STXBP5L: variants seen among roughly 807,000 people sequenced by gnomAD.
The protein encoded by STXBP5L is syntaxin binding protein 5L.
In STXBP5L, 65 loss-of-function variants were observed where a neutral mutation model predicts 144.5. That is an observed-to-expected ratio of 0.45 (90% CI 0.37 to 0.55). The LOEUF (loss-of-function observed/expected upper bound fraction) is 0.55. Among genes scored for constraint, STXBP5L ranks in the 20% least tolerant of loss-of-function variants. The pLI is 0.00. For missense variants in STXBP5L, 1,298 were observed against 1,405.5 expected (o/e 0.92, Z 1.22); for synonymous variants, 505 against 469.6 (o/e 1.08, Z -0.97).
At chr3:121,052,723 A>G (rs559402201) in intron 5 of STXBP5L, among the ~76,000 whole-genome samples, 27 of 152,120 alleles carry the variant, frequency 1.8e-4, no homozygotes, top group Non-Finnish European at 3.7e-4. Context: ...CCTATTCAAC[A>G]TAGTGTTGGA....
intron 6 of STXBP5L, among the ~76,000 whole-genome samples, chr3:121,116,002 A>G (rs1435621639): frequency 6.6e-6 from 1 of 151,954 alleles, no homozygotes; most frequent in East Asian, 1.9e-4. Context: ...TGATCCAAAT[A>G]CCTCCCACTA....
chr3:120,923,805 A>G (rs945642156), intron 2 of STXBP5L, among the ~76,000 whole-genome samples: 1 of 152,114 alleles, frequency 6.6e-6, no homozygotes, highest in Non-Finnish European at 1.5e-5. Context: ...AAAAATGTGT[A>G]TTCTGCAGCA....
chr3:121,023,749 A>C (rs1383350501), intron 3 of STXBP5L, among the ~76,000 whole-genome samples: 1 of 152,094 alleles, frequency 6.6e-6, no homozygotes, highest in Non-Finnish European at 1.5e-5. Flanking sequence ...CAAAGACTTA[A>C]ATCTAAGACC....
At chr3:121,162,030 C>T (rs1370933995) in intron 9 of STXBP5L, among the ~76,000 whole-genome samples, 1 of 151,968 alleles carries the variant, frequency 6.6e-6, no homozygotes, top group African/African-American at 2.4e-5. Context: ...TTACATGTAA[C>T]AGTAGAATTC....
At chr3:121,178,215 C>G (rs2047010699) in intron 9 of STXBP5L, among the ~76,000 whole-genome samples, 1 of 152,154 alleles carries the variant, frequency 6.6e-6, no homozygotes, top group South Asian at 2.1e-4. Context: ...GATTCTTGCA[C>G]AACAATGTGA....
chr3:121,005,414 T>G (rs886492314), intron 3 of STXBP5L, among the ~76,000 whole-genome samples: 4 of 152,198 alleles, frequency 2.6e-5, no homozygotes, highest in African/African-American at 9.7e-5. Context: ...TTATCATGTT[T>G]TATTGCGTCT....
intron 7 of STXBP5L, among the ~76,000 whole-genome samples, chr3:121,132,765 A>G (rs902456452): frequency 6.6e-6 from 1 of 152,222 alleles, no homozygotes; most frequent in African/African-American, 2.4e-5. Flanking sequence ...GAACAAAACT[A>G]GAATTTTCAG....
At chr3:120,977,536 C>T (rs1438205263) in intron 3 of STXBP5L, among the ~76,000 whole-genome samples, 2 of 152,256 alleles carry the variant, frequency 1.3e-5, no homozygotes, top group South Asian at 2.1e-4. Flanking sequence ...AGCATTTAGT[C>T]CTTTTACATT....
At position 120,914,629 on chromosome 3, in the gene STXBP5L, C is replaced by T. The variant is rs116938866; in HGVS notation, c.189+4862C>T. 1.3e-3 allele frequency among the ~76,000 whole-genome samples: 204 copies of T among 152,186 alleles called. 4 individuals are homozygous for T. In the East Asian group the frequency reaches 0.035, roughly 26 times the overall value. The stretch of plus-strand genomic sequence containing the variant: ...ATTCTCCTAATTTCACTCCATTTTA[C>T]TTAAGCGGTTTTGCAACTGAGATTG... On this transcript the variant is annotated intron_variant, in intron 2 of 26. Transcript: ENST00000471454.
At chr3:121,153,114 T>C (rs2045987383) in intron 8 of STXBP5L, among the ~76,000 whole-genome samples, 1 of 152,068 alleles carries the variant, frequency 6.6e-6, no homozygotes. Flanking sequence ...AATGACCAGA[T>C]CTTGAAGTAA....
intron 18 of STXBP5L, among the ~76,000 whole-genome samples, chr3:121,264,676 A>G (rs1016446957): frequency 6.6e-6 from 1 of 152,148 alleles, no homozygotes; most frequent in Non-Finnish European, 1.5e-5. Context: ...AAAGACACAG[A>G]CTGGCAAATT....
chr3:121,354,877 G>A (rs2045444460), intron 20 of STXBP5L, among the ~76,000 whole-genome samples: 1 of 152,254 alleles, frequency 6.6e-6, no homozygotes, highest in East Asian at 1.9e-4. Context: ...GCTCTTGTAA[G>A]GCAGGCTTGG....
At chr3:121,256,231 G>A (rs1159169510) in intron 16 of STXBP5L, among the ~76,000 whole-genome samples, 1 of 152,040 alleles carries the variant, frequency 6.6e-6, no homozygotes, top group East Asian at 1.9e-4. Context: ...ACTGTAGTAA[G>A]CACTCAATAA....
chr3:120,979,862 C>A (rs974372767), intron 3 of STXBP5L, among the ~76,000 whole-genome samples: 2 of 152,170 alleles, frequency 1.3e-5, no homozygotes, highest in African/African-American at 2.4e-5. Context: ...GCATTTAACA[C>A]TATAAGCTTC....
At chr3:120,933,565 C>T (rs1576441516) in intron 2 of STXBP5L, among the ~76,000 whole-genome samples, 1 of 151,998 alleles carries the variant, frequency 6.6e-6, no homozygotes, top group South Asian at 2.1e-4. Flanking sequence ...AATAAGATAG[C>T]CAGACTGTTG....
At chr3:120,983,220 C>T (rs1266604759) in intron 3 of STXBP5L, among the ~76,000 whole-genome samples, 1 of 151,642 alleles carries the variant, frequency 6.6e-6, no homozygotes, top group Non-Finnish European at 1.5e-5. Flanking sequence ...TGGGGTCTGG[C>T]CTCTCAGAGT....
At chr3:121,004,793 C>T (rs1191473226) in intron 3 of STXBP5L, among the ~76,000 whole-genome samples, 2 of 152,140 alleles carry the variant, frequency 1.3e-5, no homozygotes, top group Non-Finnish European at 2.9e-5. Context: ...GCCTTTTATG[C>T]ATCTATTGAG....
chr3:121,178,560 T>C (rs1217827888), intron 9 of STXBP5L, among the ~76,000 whole-genome samples: 1 of 152,182 alleles, frequency 6.6e-6, no homozygotes, highest in Non-Finnish European at 1.5e-5. Context: ...ATAAAAACTC[T>C]TTTTAAAACA....
intron 2 of STXBP5L, among the ~76,000 whole-genome samples, chr3:120,936,747 C>T (rs1710285676): frequency 6.6e-6 from 1 of 152,016 alleles, no homozygotes; most frequent in Non-Finnish European, 1.5e-5. Flanking sequence ...GTAGCTGGGA[C>T]TACTGGTGCC....
Sources: allele counts gnomAD v4.1 joint callset (sites outside exome capture counted in the v4.1 genomes callset), GRCh38; gene constraint gnomAD v4.1.1; transcripts MANE v1.5; gene names NCBI Gene and HGNC (gene_info 2026-07-23, HGNC 2026-07-21).